The following TRIM4 variants were observed in gnomAD, a reference collection of about 807,000 sequenced individuals.
TRIM4 encodes the protein tripartite motif containing 4, also known as E3 ubiquitin-protein ligase TRIM4.
Under a neutral mutation model 33.7 loss-of-function variants are expected in TRIM4, and 29 were observed. The ratio of observed to expected loss-of-function variants is 0.86; its 90% CI spans 0.64 to 1.17. The LOEUF is 1.17. TRIM4 is among the 50% of genes most tolerant of loss of function. The pLI is 0.00. For synonymous variants in TRIM4, 224 were observed against 233.0 expected (o/e 0.96, Z 0.35); for missense variants, 554 against 593.7 (o/e 0.93, Z 0.69).
intron 1 of TRIM4, among the ~76,000 whole-genome samples, chr7:99,917,046 T>C (rs138338434): frequency 1.8e-3 from 278 of 152,328 alleles, no homozygotes; most frequent in African/African-American, 6.4e-3. Context: ...TGGCCTGAAA[T>C]ACCTTCTTTC....
Position 99,919,497 on chromosome 7 carries a change from C to T in TRIM4, c.-96G>A. ...CGGGGAGGCCAGACGACTTCCGAAC[C>T]GCCGTCACCGCCTCACGTAAAAGGG... On this transcript the variant is annotated 5_prime_UTR_variant, in exon 1 of 6. Coordinates refer to ENST00000349062, the MANE Select transcript of TRIM4 (RefSeq NM_033091.3). 1 of 1,285,474 alleles carries T rather than the reference C, an allele frequency of 7.8e-7. No individual in the cohort carries two copies. The highest frequency in any genetic ancestry group is 1.0e-6 in the Non-Finnish European group (1 of 972,970). The allele number at this position is 1,285,474 out of a possible 1,614,324, so 79.6% of individuals were successfully genotyped here.
At chr7:99,895,057 T>G (rs1453321156) in intron 5 of TRIM4, among the ~76,000 whole-genome samples, 3 of 152,246 alleles carry the variant, frequency 2.0e-5, no homozygotes, top group African/African-American at 7.2e-5. Flanking sequence ...TGTATTTCAC[T>G]GCAATGATTT....
intron 5 of TRIM4, among the ~76,000 whole-genome samples, chr7:99,898,717 G>A (rs781153083): frequency 1.2e-4 from 19 of 152,280 alleles, no homozygotes; most frequent in Middle Eastern, 3.4e-3. Flanking sequence ...TCTTCTCACT[G>A]GGCAACTGTG....
chr7:99,903,630 C>G, intron 3 of TRIM4, 32 bp from the exon 4 acceptor site: 1 of 1,614,030 alleles, frequency 6.2e-7, no homozygotes, highest in Non-Finnish European at 8.5e-7. Flanking sequence ...AAGCAAATTA[C>G]GAACCTTCTC....
At chr7:99,900,857 A>G (rs968786856) in intron 5 of TRIM4, among the ~76,000 whole-genome samples, 10 of 152,222 alleles carry the variant, frequency 6.6e-5, no homozygotes, top group African/African-American at 2.4e-4. Flanking sequence ...CCCTGGTTGC[A>G]TTTAAGATTT....
At chr7:99,900,500 T>C (rs1819136503) in intron 5 of TRIM4, among the ~76,000 whole-genome samples, 2 of 152,222 alleles carry the variant, frequency 1.3e-5, no homozygotes, top group South Asian at 2.1e-4. Context: ...GAATAAATAA[T>C]GACAATAATA....
chr7:99,916,082 T>C (rs769655366), intron 1 of TRIM4, among the ~76,000 whole-genome samples: 45 of 152,198 alleles, frequency 3.0e-4, no homozygotes, highest in Admixed American at 5.9e-4. Flanking sequence ...CTTAGAACTG[T>C]GGGTGGTACG....
chr7:99,903,714 C>G, intron 3 of TRIM4, 116 bp from the exon 4 acceptor site: 1 of 1,164,786 alleles, frequency 8.6e-7, no homozygotes, highest in Non-Finnish European at 1.3e-6. Context: ...CATATGATCT[C>G]CTGCTGCCAA....
chr7:99,903,490 A>T, intron 4 of TRIM4, 86 bp downstream of exon 4: 1 of 1,555,204 alleles, frequency 6.4e-7, no homozygotes, highest in Admixed American at 1.7e-5. Flanking sequence ...AGACTGACCT[A>T]TGGATCCTAG....
intron 2 of TRIM4, among the ~76,000 whole-genome samples, chr7:99,909,291 G>A (rs1255946213): frequency 1.3e-5 from 2 of 152,100 alleles, no homozygotes; most frequent in East Asian, 3.8e-4. Flanking sequence ...ACATGGGGAT[G>A]AAGTATGCGG....
At chr7:99,903,987 G>T (rs910731697) in intron 3 of TRIM4, among the ~76,000 whole-genome samples, 1 of 152,074 alleles carries the variant, frequency 6.6e-6, no homozygotes, top group African/African-American at 2.4e-5. Flanking sequence ...AATTATAATC[G>T]CAAGGGATAT....
intron 4 of TRIM4, 30 bp from the exon 5 acceptor site, chr7:99,903,345 G>C (rs201008072): frequency 6.5e-7 from 1 of 1,537,602 alleles, no homozygotes; most frequent in East Asian, 2.2e-5. Context: ...TGCTCTTAGG[G>C]GACAACTAGG....
chr7:99,905,882 C>T (rs567105341), intron 3 of TRIM4, among the ~76,000 whole-genome samples: 14 of 152,328 alleles, frequency 9.2e-5, no homozygotes, highest in African/African-American at 2.9e-4. Flanking sequence ...TGGTGGCTCA[C>T]GCCTGTAATC....
At chr7:99,907,092 T>C (rs906704844) in intron 3 of TRIM4, among the ~76,000 whole-genome samples, 2 of 152,202 alleles carry the variant, frequency 1.3e-5, no homozygotes, top group African/African-American at 4.8e-5. Context: ...TCTGAGATTC[T>C]ATGTTCTAGT....
chr7:99,895,054 C>T (rs1401730499), intron 5 of TRIM4, among the ~76,000 whole-genome samples: 1 of 152,152 alleles, frequency 6.6e-6, no homozygotes, highest in Non-Finnish European at 1.5e-5. Flanking sequence ...TTCTGTATTT[C>T]ACTGCAATGA....
chr7:99,895,704 A>G (rs1243552796), intron 5 of TRIM4, among the ~76,000 whole-genome samples: 1 of 152,220 alleles, frequency 6.6e-6, no homozygotes, highest in Non-Finnish European at 1.5e-5. Context: ...TTTTTGCTTA[A>G]TATGTTTGAA....
chr7:99,911,845 G>A (rs545361593), intron 1 of TRIM4, among the ~76,000 whole-genome samples: 20 of 152,286 alleles, frequency 1.3e-4, no homozygotes, highest in East Asian at 3.9e-4. Flanking sequence ...AATATTCATC[G>A]CAGCTTTATT....
intron 5 of TRIM4, among the ~76,000 whole-genome samples, chr7:99,900,190 C>A (rs561461433): frequency 2.6e-5 from 4 of 152,300 alleles, no homozygotes; most frequent in Admixed American, 1.3e-4. Flanking sequence ...ATAGAGCCAG[C>A]GTTCTAGTTG....
chr7:99,917,846 G>T (rs1819591128), intron 1 of TRIM4: 5 of 985,430 alleles, frequency 5.1e-6, no homozygotes, highest in Non-Finnish European at 6.0e-6. Context: ...CTCTGGAAAG[G>T]ATGATCAGGG....
Sources: allele counts gnomAD v4.1 joint callset (sites outside exome capture counted in the v4.1 genomes callset), GRCh38; gene constraint gnomAD v4.1.1; transcripts MANE v1.5; gene names NCBI Gene and HGNC (gene_info 2026-07-23, HGNC 2026-07-21).